PDE4D: variants seen among roughly 807,000 people sequenced by gnomAD.
The protein encoded by PDE4D is phosphodiesterase 4D.
A neutral mutation model predicts 87.4 loss-of-function variants in PDE4D; 24 were observed. The observed-to-expected ratio is 0.27, with a 90% CI of 0.20 to 0.39. The LOEUF is 0.39. Ranked by LOEUF, PDE4D falls within the 10% of genes least tolerant of loss-of-function variation. The probability of loss-of-function intolerance (pLI) is 1.00; values close to 1 mark genes in which losing one functional copy is unlikely to be tolerated. For synonymous variants in PDE4D, 384 were observed against 383.2 expected (o/e 1.00, Z -0.02); for missense variants, 714 against 1,041.0 (o/e 0.69, Z 4.32).
intron 1 of PDE4D, among the ~76,000 whole-genome samples, chr5:59,235,272 T>A (rs1465755945): frequency 2.6e-5 from 4 of 152,204 alleles, no homozygotes; most frequent in Non-Finnish European, 4.4e-5. Context: ...GATGGTCAGA[T>A]AACCTGTCCT....
intron 1 of PDE4D, among the ~76,000 whole-genome samples, chr5:59,333,593 C>T (rs943319784): frequency 6.6e-6 from 1 of 152,130 alleles, no homozygotes; most frequent in Non-Finnish European, 1.5e-5. Context: ...GTGTCTCTCT[C>T]CAGTTCATTA....
upstream of PDE4D, among the ~76,000 whole-genome samples, chr5:59,898,278 C>G (rs1751878116): frequency 6.6e-6 from 1 of 152,174 alleles, no homozygotes; most frequent in African/African-American, 2.4e-5. Context: ...AAAAATATTG[C>G]TTATCTACTG....
At chr5:59,050,812 T>C (rs1477957338) in intron 5 of PDE4D, among the ~76,000 whole-genome samples, 1 of 152,224 alleles carries the variant, frequency 6.6e-6, no homozygotes. Context: ...AATTACAGGG[T>C]TATTATGAGA....
intron 1 of PDE4D, among the ~76,000 whole-genome samples, chr5:59,751,610 T>TGTGTGTGTGTGTGTGTGTGA (rs1339355385): frequency 6.7e-6 from 1 of 148,314 alleles, no homozygotes; most frequent in African/African-American, 2.5e-5. Flanking sequence ...TGTGTGTGTG[T>TGTGTGTGTGTGTGTGTGTGA]GATGTGAGAG....
chr5:60,211,342 A>G (rs1371261681), intron 1 of PDE4D, among the ~76,000 whole-genome samples: 1 of 151,972 alleles, frequency 6.6e-6, no homozygotes. Flanking sequence ...TTGGGGAGCT[A>G]ATGTACAGAG....
chr5:59,541,965 T>A (rs1192443676), intron 1 of PDE4D, among the ~76,000 whole-genome samples: 1 of 152,166 alleles, frequency 6.6e-6, no homozygotes, highest in Non-Finnish European at 1.5e-5. Context: ...GGACACTAGA[T>A]CCTGTGCCTG....
intron 1 of PDE4D, among the ~76,000 whole-genome samples, chr5:59,490,142 A>T (rs1233263134): frequency 6.6e-6 from 1 of 152,134 alleles, no homozygotes; most frequent in African/African-American, 2.4e-5. Context: ...CATTTTACAA[A>T]CTGATTTTCT....
In PDE4D at chr5:59,070,229, G is replaced by A. The variant is rs530124614; in HGVS notation, c.809-31258C>T. The stretch of plus-strand genomic sequence containing the variant: ...TTGTTTCAATTTGAACTTATTACAA[G>A]AGTGATCAATTTTTAAATTTAAATG... On this transcript the variant is annotated intron_variant, in intron 5 of 14. Coordinates refer to ENST00000340635, the MANE Select transcript of PDE4D (RefSeq NM_001104631.2). Among the ~76,000 whole-genome samples, 6 of 152,120 alleles carry A rather than the reference G, an allele frequency of 3.9e-5. No individual in the cohort carries two copies. In the South Asian group the frequency reaches 6.2e-4, roughly 16 times the overall value.
chr5:59,194,016 T>C (rs528601808), intron 2 of PDE4D, among the ~76,000 whole-genome samples: 35 of 152,294 alleles, frequency 2.3e-4, no homozygotes, highest in African/African-American at 8.2e-4. Flanking sequence ...GTAGATGACA[T>C]GGGACTGCAT....
intron 3 of PDE4D, among the ~76,000 whole-genome samples, chr5:59,967,833 T>C (rs767645884): frequency 1.3e-5 from 2 of 152,142 alleles, no homozygotes; most frequent in African/African-American, 2.4e-5. Flanking sequence ...ATAGCAAAGA[T>C]GTGGAATCAA....
intron 1 of PDE4D, among the ~76,000 whole-genome samples, chr5:60,408,818 A>G (rs1741795647): frequency 6.6e-6 from 1 of 152,264 alleles, no homozygotes; most frequent in Admixed American, 6.5e-5. Flanking sequence ...TATGGTTCAT[A>G]ATAAATATAA....
At chr5:59,510,529 A>G (rs914987514) in intron 1 of PDE4D, among the ~76,000 whole-genome samples, 5 of 151,774 alleles carry the variant, frequency 3.3e-5, no homozygotes, top group African/African-American at 1.2e-4. Context: ...AGTATAAGAG[A>G]CAGAGGTAGA....
At chr5:60,248,423 A>T (rs1748042934) in intron 1 of PDE4D, among the ~76,000 whole-genome samples, 1 of 151,864 alleles carries the variant, frequency 6.6e-6, no homozygotes, top group East Asian at 1.9e-4. Context: ...ATTTGATCTC[A>T]CTCCTCATGA....
chr5:60,352,419 C>T (rs1050505962), intron 1 of PDE4D, among the ~76,000 whole-genome samples: 3 of 152,226 alleles, frequency 2.0e-5, no homozygotes, highest in African/African-American at 4.8e-5. Context: ...TACACTTTCT[C>T]TCTGCTCAAA....
intron 1 of PDE4D, among the ~76,000 whole-genome samples, chr5:59,600,056 T>C (rs371750648): frequency 5.3e-5 from 8 of 152,300 alleles, no homozygotes; most frequent in African/African-American, 1.9e-4. Context: ...TGTTTTCCAA[T>C]TGCTGCTGAT....
chr5:59,603,938 TA>T, intron 1 of PDE4D, among the ~76,000 whole-genome samples: 1 of 152,046 alleles, frequency 6.6e-6, no homozygotes, highest in Non-Finnish European at 1.5e-5. Flanking sequence ...CCATGTGAGT[TA>T]ATGCATGTTA....
At chr5:59,708,480 A>G (rs1016403011) in intron 1 of PDE4D, among the ~76,000 whole-genome samples, 56 of 152,296 alleles carry the variant, frequency 3.7e-4, no homozygotes, top group Non-Finnish European at 2.2e-4. Flanking sequence ...TCTTCCATGT[A>G]AGACGCTTAT....
intron 5 of PDE4D, among the ~76,000 whole-genome samples, chr5:59,096,418 G>T (rs1020056400): frequency 6.6e-6 from 1 of 152,114 alleles, no homozygotes; most frequent in Non-Finnish European, 1.5e-5. Context: ...TGTTATGAAG[G>T]TCCAGCATTT....
chr5:59,912,028 A>G, intron 3 of PDE4D, among the ~76,000 whole-genome samples: 1 of 152,208 alleles, frequency 6.6e-6, no homozygotes, highest in East Asian at 1.9e-4. Context: ...ACAATAAAGT[A>G]CAAAGGGAGG....
Sources: gnomAD v4.1 joint callset for allele counts (sites outside exome capture counted in the v4.1 genomes callset) on GRCh38, gnomAD v4.1.1 for gene constraint, MANE v1.5 for transcripts, NCBI Gene and HGNC (gene_info 2026-07-23, HGNC 2026-07-21) for gene names.